Variants in MYO1F observed in about 807,000 individuals in gnomAD.
MYO1F encodes the protein myosin IF.
A neutral mutation model predicts 146.6 loss-of-function variants in MYO1F; 60 were observed. The observed-to-expected ratio is 0.41, with a 90% CI of 0.33 to 0.51. The LOEUF (loss-of-function observed/expected upper bound fraction) is 0.51. Among genes scored for constraint, MYO1F ranks in the 20% least tolerant of loss-of-function variants. MYO1F has a pLI of 0.25. For synonymous variants in MYO1F, 602 were observed against 602.1 expected, an observed-to-expected ratio of 1.00 and a Z score of 0.00; for missense variants, 1,274 against 1,534.3, an observed-to-expected ratio of 0.83 and a Z score of 2.83.
chr19:8,538,604 T>TA (rs61070658), intron 16 of MYO1F, among the ~76,000 whole-genome samples: 23 of 148,744 alleles, frequency 1.5e-4, no homozygotes, highest in African/African-American at 5.3e-4. Flanking sequence ...TTTTTTTTTT[T>TA]AAGAGACAGG....
Position 8,541,929 on chromosome 19 carries a change from T to C in MYO1F, c.1587A>G (p.Ile529Met). ...ACTGCTCACTGGTCTGCATCAGCTC[T>C]ATGAGGTCGGAGAAGAGAACGTCTC... is the stretch of plus-strand genomic sequence containing the variant. ...RNRDVLFSDL[I>M]ELMQTSEQAF... is the part of the protein sequence containing the mutation. The change falls in exon 15 of 28, where the codon ATA becomes ATG. Residue 529 changes from isoleucine (I) to methionine (M), a missense_variant. By Grantham distance (10) the Ile-to-Met change is conservative. Around this residue, in one of 2 missense-constraint regions of MYO1F, gnomAD observed 900 missense variants for 1,155.1 expected, o/e 0.78. Transcript: ENST00000644032. The C allele has an allele frequency of 6.2e-7, 1 of 1,613,470 alleles. No homozygotes were observed. The highest frequency in any genetic ancestry group is 1.3e-5 in the African/African-American group (1 of 75,008).
At chr19:8,547,708 C>T (rs749201759) in intron 12 of MYO1F, 5 of 326,268 alleles carry the variant, frequency 1.5e-5, no homozygotes, top group African/African-American at 6.3e-5. Context: ...TTGCCTCAGG[C>T]TCTGCTTCTG....
At chr19:8,529,617 G>A (rs1023445060) in intron 21 of MYO1F, among the ~76,000 whole-genome samples, 8 of 152,066 alleles carry the variant, frequency 5.3e-5, no homozygotes, top group Non-Finnish European at 1.0e-4. Flanking sequence ...TGAAGGTAGA[G>A]TGTACCTAAT....
chr19:8,527,336 A>C lies in MYO1F; in HGVS notation c.2474+2T>G, dbSNP rs757704563. 6.2e-7 allele frequency: 1 copy of C among 1,613,980 alleles called. No homozygotes were observed. Among genetic ancestry groups the C allele is most frequent in the Admixed American group, 1.7e-5 (1 of 59,996 alleles). ...GTGCGGCAGGTAAGGACCTGGCTTC[A>C]CCTGAGGGAGACTCCCCGCAGAGCC... On this transcript the variant is annotated splice_donor_variant, in intron 22 of 27. Coordinates refer to ENST00000644032, the MANE Select transcript of MYO1F (RefSeq NM_012335.4). LOFTEE classifies it high-confidence loss of function.
At position 8,554,461 on chromosome 19, in the gene MYO1F, C is replaced by T. The variant is rs201922845; in HGVS notation, c.326+16G>A. On this transcript the variant is annotated intron_variant, in intron 4 of 27. Transcript: ENST00000644032. Reference sequence around the variant, plus strand: ...CCCGGGCAGCAGGGTCTGTGGCCCCCCAACTCTGTCCATACCTAATGATGA... The same window carrying T: ...CCCGGGCAGCAGGGTCTGTGGCCCCTCAACTCTGTCCATACCTAATGATGA... 3.1e-6 allele frequency: 5 copies of T among 1,594,032 alleles called. No homozygotes were observed. The highest frequency in any genetic ancestry group is 8.6e-7 in the Non-Finnish European group (1 of 1,162,774).
chr19:8,536,280 G>A lies in MYO1F; in HGVS notation c.2015C>T (p.Thr672Ile). Residue 672 changes from threonine (T) to isoleucine (I), a missense_variant, in exon 19 of 28, where the codon ACC (threonine) becomes ATC (isoleucine). Physicochemically the swap from Thr to Ile is moderately conservative, Grantham distance 89. Transcript: ENST00000644032. ...MEPDQYQMGSTKVFVKNPESL... is the reference protein window; with the variant it reads ...MEPDQYQMGSIKVFVKNPESL... Reference sequence around the variant, plus strand: ...CTCTGGGTTCTTGACAAAGACCTTGGTGCTCCCCATCTGGTACTGGTCGGG... The same window carrying A: ...CTCTGGGTTCTTGACAAAGACCTTGATGCTCCCCATCTGGTACTGGTCGGG... 1 of 1,607,028 alleles carries A rather than the reference G, an allele frequency of 6.2e-7. No homozygotes were observed. Among genetic ancestry groups the A allele is most frequent in the Non-Finnish European group, 8.5e-7 (1 of 1,179,954 alleles).
At chr19:8,549,012 G>A (rs376848758) in intron 10 of MYO1F, among the ~76,000 whole-genome samples, 4 of 149,738 alleles carry the variant, frequency 2.7e-5, no homozygotes, top group South Asian at 2.1e-4. Flanking sequence ...TGCCAGTGGC[G>A]CAATCTCGGC....
intron 13 of MYO1F, 128 bp from the exon 14 acceptor site, chr19:8,544,592 G>T: frequency 1.2e-6 from 1 of 829,194 alleles, no homozygotes; most frequent in Non-Finnish European, 1.8e-6. Context: ...TGGGGGTGGG[G>T]AGGGCACCAG....
chr19:8,568,300 G>A (rs934543219), intron 1 of MYO1F, among the ~76,000 whole-genome samples: 4 of 151,632 alleles, frequency 2.6e-5, no homozygotes, highest in African/African-American at 7.3e-5. Context: ...GCGGGCGCCC[G>A]TAGTCCCAGC....
intron 1 of MYO1F, among the ~76,000 whole-genome samples, chr19:8,568,148 G>T (rs1017350368): frequency 6.6e-6 from 1 of 152,138 alleles, no homozygotes; most frequent in Non-Finnish European, 1.5e-5. Context: ...GCTGGGCCGG[G>T]CACGGTGGCT....
chr19:8,564,769 GT>G (rs751322202), intron 1 of MYO1F, among the ~76,000 whole-genome samples: 79 of 147,198 alleles, frequency 5.4e-4, no homozygotes, highest in East Asian at 3.2e-3. Context: ...CGTGTTTCCT[GT>G]TTTTTTTTTG....
rs1238233488 is a variant in MYO1F at position 8,551,359 on chromosome 19, T to G, written c.771+381A>C. On this transcript the variant is annotated intron_variant, in intron 8 of 27. Coordinates refer to ENST00000644032, the MANE Select transcript of MYO1F (RefSeq NM_012335.4). ...GAGCCACCGTGCCTGGCCTTTTTTT[T>G]TTTTTTTTTTGAGATGTAGTCTCAC... 4 of 179,330 alleles carry G rather than the reference T, an allele frequency of 2.2e-5. 1 individual carries two copies. The Middle Eastern group carries it at 9.5e-3, about 426-fold the overall frequency. The allele number at this position is 179,330 out of a possible 1,614,324, so 11.1% of individuals were successfully genotyped here.
chr19:8,567,396 T>C (rs1048408357), intron 1 of MYO1F, among the ~76,000 whole-genome samples: 2 of 151,956 alleles, frequency 1.3e-5, no homozygotes, highest in East Asian at 3.9e-4. Flanking sequence ...AGACAAAGTC[T>C]TGCTCTGTTG....
chr19:8,535,921 T>C (rs890915054), intron 19 of MYO1F, among the ~76,000 whole-genome samples: 7 of 152,064 alleles, frequency 4.6e-5, no homozygotes, highest in African/African-American at 1.4e-4. Context: ...GGCCTTGTGA[T>C]CCGCCCTCCT....
chr19:8,538,683 G>T (rs1972833140), intron 16 of MYO1F, among the ~76,000 whole-genome samples: 2 of 150,942 alleles, frequency 1.3e-5, no homozygotes, highest in Admixed American at 1.3e-4. Flanking sequence ...GACCTCCTGG[G>T]CTCAAATGAT....
At chr19:8,553,301 C>T (rs749581146) in intron 5 of MYO1F, 49 bp downstream of exon 5, 1 of 1,606,176 alleles carries the variant, frequency 6.2e-7, no homozygotes, top group Admixed American at 1.7e-5. Flanking sequence ...GCTGCACTAC[C>T]ATGCAGGTGA....
At chr19:8,527,144 G>A (rs1329669042) in intron 22 of MYO1F, among the ~76,000 whole-genome samples, 194 bp downstream of exon 22, 1 of 152,112 alleles carries the variant, frequency 6.6e-6, no homozygotes, top group Non-Finnish European at 1.5e-5. Flanking sequence ...AAGAGGGTAA[G>A]GTGCAGGACG....
chr19:8,530,581 G>A lies in MYO1F; in HGVS notation c.2044-8C>T. 1 of 1,604,050 alleles carries A rather than the reference G, an allele frequency of 6.2e-7. No individual in the cohort carries two copies. The highest frequency in any genetic ancestry group is 8.5e-7 in the Non-Finnish European group (1 of 1,176,024). ...CTCCTCCAGGAGGAAAAGCTGGGCG[G>A]GGGTCGTGGGGGGCAAGGGTGAGTC... On this transcript the variant is annotated splice_polypyrimidine_tract_variant and splice_region_variant and intron_variant, in intron 19 of 27. Coordinates refer to ENST00000644032, the MANE Select transcript of MYO1F (RefSeq NM_012335.4). This position sits in a 1 kb window ranked among gnomAD's most constrained non-coding sequence, Gnocchi z 5.8.
intron 16 of MYO1F, among the ~76,000 whole-genome samples, chr19:8,539,171 T>G (rs1972851672): frequency 6.6e-6 from 1 of 151,972 alleles, no homozygotes; most frequent in Non-Finnish European, 1.5e-5. Flanking sequence ...TCCCAGCGCT[T>G]TGGGAGGCTG....
Sources: gnomAD v4.1 joint callset for allele counts (sites outside exome capture counted in the v4.1 genomes callset) on GRCh38, gnomAD v4.1.1 for gene constraint, gnomAD v4.1.1 regional missense constraint, Gnocchi (gnomAD v3.1) non-coding constraint, MANE v1.5 for transcripts, NCBI Gene and HGNC (gene_info 2026-07-23, HGNC 2026-07-21) for gene names.